PIP4K2A: variants seen among roughly 807,000 people sequenced by gnomAD.
PIP4K2A encodes phosphatidylinositol-5-phosphate 4-kinase type 2 alpha.
PIP4K2A carries 14 observed loss-of-function variants against 42.9 expected under a neutral mutation model. The observed-to-expected ratio is 0.33, with a 90% CI of 0.22 to 0.51. The LOEUF (loss-of-function observed/expected upper bound fraction) is 0.51. Ranked by LOEUF, PIP4K2A falls within the 20% of genes least tolerant of loss-of-function variation. PIP4K2A has a pLI of 0.97. For synonymous variants in PIP4K2A, 192 were observed against 192.2 expected (o/e 1.00, Z 0.01); for missense variants, 434 against 519.8 (o/e 0.83, Z 1.61).
At chr10:22,707,789 A>G (rs1260631955) in intron 1 of PIP4K2A, among the ~76,000 whole-genome samples, 1 of 151,970 alleles carries the variant, frequency 6.6e-6, no homozygotes, top group Non-Finnish European at 1.5e-5. Flanking sequence ...CACTATCCCC[A>G]TCTTATTCTT....
At chr10:22,569,096 G>T in intron 5 of PIP4K2A, 1 of 1,410,386 alleles carries the variant, frequency 7.1e-7, no homozygotes, top group Non-Finnish European at 9.7e-7. Flanking sequence ...CTTTCATCGA[G>T]CAGCTCAGGC....
chr10:22,593,929 A>G lies in PIP4K2A; in HGVS notation c.340-2148T>C, dbSNP rs1205494171. ...AATTCCAGCAGCCTCAGTTTCATAG[A>G]TCGTTTTCTTATGCACATTAGATAG... On this transcript the variant is annotated intron_variant, in intron 3 of 9. Coordinates refer to ENST00000376573, the MANE Select transcript of PIP4K2A (RefSeq NM_005028.5). Among the ~76,000 whole-genome samples, 9 of 152,306 alleles carry G rather than the reference A, an allele frequency of 5.9e-5. No homozygotes were observed. The East Asian group carries it at 1.2e-3, about 20-fold the overall frequency.
At chr10:22,591,601 G>T (rs779968493) in intron 4 of PIP4K2A, 28 bp downstream of exon 4, 1 of 1,571,560 alleles carries the variant, frequency 6.4e-7, no homozygotes, top group African/African-American at 1.4e-5. Context: ...TCTTCTTGGA[G>T]TTTCAAATAA....
chr10:22,603,845 A>G (rs1020679874), intron 3 of PIP4K2A, among the ~76,000 whole-genome samples: 1 of 152,194 alleles, frequency 6.6e-6, no homozygotes, highest in African/African-American at 2.4e-5. Flanking sequence ...ATGACGATGG[A>G]TATCATGCTG....
chr10:22,630,327 A>G (rs1039497533), intron 1 of PIP4K2A, among the ~76,000 whole-genome samples: 1 of 149,886 alleles, frequency 6.7e-6, no homozygotes, highest in Non-Finnish European at 1.5e-5. Flanking sequence ...AATGATTTAC[A>G]CTGTCCCTGA....
At chr10:22,550,874 GC>G in intron 6 of PIP4K2A, 102 bp from the exon 7 acceptor site, 1 of 728,278 alleles carries the variant, frequency 1.4e-6, no homozygotes. Context: ...CCCTTTCACC[GC>G]CCCCACCCCG....
chr10:22,555,604 G>A lies in PIP4K2A; in HGVS notation c.679-4832C>T, dbSNP rs143339270. Reference sequence around the variant, plus strand: ...ACCTCAGTTTCCTTACTTATATAATGGGTAATTAATAATACTGTACCTATG... The same window carrying A: ...ACCTCAGTTTCCTTACTTATATAATAGGTAATTAATAATACTGTACCTATG... On this transcript the variant is annotated intron_variant, in intron 6 of 9. Transcript: ENST00000376573. Among the ~76,000 whole-genome samples, 558 of 152,188 alleles carry A rather than the reference G, an allele frequency of 3.7e-3. 3 individuals are homozygous for A. Among genetic ancestry groups the A allele is most frequent in the African/African-American group, 0.012 (504 of 41,490 alleles).
chr10:22,619,093 A>G (rs2130735207), intron 1 of PIP4K2A, among the ~76,000 whole-genome samples: 1 of 152,280 alleles, frequency 6.6e-6, no homozygotes, highest in Admixed American at 6.5e-5. Context: ...AAAATCACCA[A>G]CTTGAGCACC....
At position 22,644,730 on chromosome 10, in the gene PIP4K2A, C is replaced by A. The variant is rs79538468; in HGVS notation, c.145-35013G>T. On this transcript the variant is annotated intron_variant, in intron 1 of 9. Transcript: ENST00000376573. ...CCGCCTCCTAGAATGTAAGACAGGA[C>A]AGTAGGGATCTAGTCTGTGTGTCTA... 2.0e-3 allele frequency among the ~76,000 whole-genome samples: 305 copies of A among 152,338 alleles called. 2 individuals are homozygous for A. The highest frequency in any genetic ancestry group is 6.7e-3 in the African/African-American group (277 of 41,574).
chr10:22,677,452 C>T (rs189657669), intron 1 of PIP4K2A, among the ~76,000 whole-genome samples: 50 of 152,312 alleles, frequency 3.3e-4, no homozygotes, highest in African/African-American at 1.2e-3. Flanking sequence ...AACAGGCTCT[C>T]AGGCTGCATT....
rs1433766909 is a variant in PIP4K2A at position 22,537,288 on chromosome 10, A to G, written c.1141-7T>C. ...TGGAGATCTCCGCGCCAGCCTGGGC[A>G]GTTTTTAAAAAAGGAAATATTGACA... On this transcript the variant is annotated splice_polypyrimidine_tract_variant and splice_region_variant and intron_variant, in intron 9 of 9. Coordinates refer to ENST00000376573, the MANE Select transcript of PIP4K2A (RefSeq NM_005028.5). 2.5e-6 allele frequency: 4 copies of G among 1,587,292 alleles called. No homozygotes were observed. In the South Asian group the frequency reaches 4.6e-5, roughly 18 times the overall value.
chr10:22,578,628 C>A (rs1394647865), intron 4 of PIP4K2A, among the ~76,000 whole-genome samples: 1 of 149,690 alleles, frequency 6.7e-6, no homozygotes, highest in Non-Finnish European at 1.5e-5. Flanking sequence ...TGTGTACAGG[C>A]TACCTGATCC....
intron 1 of PIP4K2A, among the ~76,000 whole-genome samples, chr10:22,639,818 G>A (rs916270162): frequency 1.3e-5 from 2 of 152,080 alleles, no homozygotes; most frequent in African/African-American, 4.8e-5. Context: ...AAAAGCAGGT[G>A]TAATTAAAGT....
Position 22,574,444 on chromosome 10 carries a change from G to GTTTTT in PIP4K2A, c.493-992_493-988dup, listed in dbSNP as rs765734098. Among the ~76,000 whole-genome samples the GTTTTT allele has an allele frequency of 5.8e-3, 827 of 142,320 alleles. 12 individuals are homozygous for GTTTTT. The highest frequency in any genetic ancestry group is 0.013 in the South Asian group (60 of 4,590). 93.4% of individuals were successfully genotyped at this position (142,320 alleles called of 152,430 possible). Reference sequence around the variant, plus strand: ...ATACTGCTTGAATTTTTCATTTTCTGTTTTTTTTTTTTTTTACAATGAGCA... The same window carrying GTTTTT: ...ATACTGCTTGAATTTTTCATTTTCTGTTTTTTTTTTTTTTTTTTTTACAATGAGCA... On this transcript the variant is annotated intron_variant, in intron 4 of 9. Transcript: ENST00000376573.
At chr10:22,651,878 T>C (rs1268829897) in intron 1 of PIP4K2A, among the ~76,000 whole-genome samples, 1 of 152,176 alleles carries the variant, frequency 6.6e-6, no homozygotes, top group Non-Finnish European at 1.5e-5. Context: ...TCAGATTTCC[T>C]TGCTACTAGT....
chr10:22,608,790 T>C (rs1481652657), intron 2 of PIP4K2A, among the ~76,000 whole-genome samples: 5 of 152,156 alleles, frequency 3.3e-5, no homozygotes, highest in East Asian at 3.8e-4. Context: ...GGAAGGGGGA[T>C]TGCTTGACCC....
At chr10:22,546,298 G>A (rs965336338) in intron 7 of PIP4K2A, among the ~76,000 whole-genome samples, 4 of 152,142 alleles carry the variant, frequency 2.6e-5, no homozygotes, top group African/African-American at 4.8e-5. Context: ...TTTTGATTAT[G>A]GTAGAAGTCT....
chr10:22,574,197 C>CGG (rs1554796728), intron 4 of PIP4K2A, among the ~76,000 whole-genome samples: 2 of 152,180 alleles, frequency 1.3e-5, no homozygotes, highest in East Asian at 3.8e-4. Flanking sequence ...TTTCATAAAA[C>CGG]GGGTCCCTCT....
intron 3 of PIP4K2A, among the ~76,000 whole-genome samples, chr10:22,595,154 C>T (rs549908562): frequency 6.6e-6 from 1 of 152,286 alleles, no homozygotes; most frequent in Non-Finnish European, 1.5e-5. Context: ...TGGAATGATT[C>T]TAAGGCCTGG....
Sources: allele counts gnomAD v4.1 joint callset (sites outside exome capture counted in the v4.1 genomes callset), GRCh38; gene constraint gnomAD v4.1.1; transcripts MANE v1.5; gene names NCBI Gene and HGNC (gene_info 2026-07-23, HGNC 2026-07-21).